HTR4: variants seen among roughly 807,000 people sequenced by gnomAD.
The protein encoded by HTR4 is 5-hydroxytryptamine receptor 4.
HTR4 carries 16 observed loss-of-function variants against 36.8 expected under a neutral mutation model. The ratio of observed to expected loss-of-function variants is 0.43; its 90% CI spans 0.29 to 0.66. The LOEUF is 0.66. HTR4 is among the 30% of genes least tolerant of loss of function. The pLI is 0.13. For missense variants in HTR4, 438 were observed against 490.9 expected (o/e 0.89, Z 1.02); for synonymous variants, 189 against 185.1 (o/e 1.02, Z -0.17).
intron 5 of HTR4, among the ~76,000 whole-genome samples, chr5:148,511,456 AC>A (rs1313621161): frequency 1.3e-5 from 2 of 152,182 alleles, no homozygotes; most frequent in Non-Finnish European, 2.9e-5. Flanking sequence ...TGTATCACTC[AC>A]ATTATTGCAT....
chr5:148,457,068 A>T (rs1221975086), intron 5 of HTR4, among the ~76,000 whole-genome samples: 1 of 152,174 alleles, frequency 6.6e-6, no homozygotes, highest in Non-Finnish European at 1.5e-5. Flanking sequence ...AACTAGTAGT[A>T]CAATAATAGC....
intron 2 of HTR4, among the ~76,000 whole-genome samples, chr5:148,560,536 T>C (rs1760160503): frequency 6.6e-6 from 1 of 152,186 alleles, no homozygotes; most frequent in Non-Finnish European, 1.5e-5. Flanking sequence ...TTGCAAATTA[T>C]TTTCTTCTGC....
intron 2 of HTR4, among the ~76,000 whole-genome samples, chr5:148,589,545 G>C (rs1255678210): frequency 6.6e-6 from 1 of 151,980 alleles, no homozygotes; most frequent in Non-Finnish European, 1.5e-5. Context: ...TGGTTGGGTT[G>C]TTTGGTGTTT....
In HTR4 at chr5:148,646,403, C is replaced by T. The variant is rs139687618; in HGVS notation, c.-48+7659G>A. ...CTTCTGAACCTCCTGGATTAGGAAACCATTTATACAGAATTCTCCATTTCA... is the reference window on the plus strand; with the variant it reads ...CTTCTGAACCTCCTGGATTAGGAAATCATTTATACAGAATTCTCCATTTCA... On this transcript the variant is annotated intron_variant, in intron 1 of 6. Transcript: ENST00000377888. 4.7e-4 allele frequency: 71 copies of T among 152,304 alleles called. 2 individuals are homozygous for T. In the East Asian group the frequency reaches 0.013, roughly 29 times the overall value. The allele number at this position is 152,304 out of a possible 1,614,324, so 9.4% of individuals were successfully genotyped here. A position where few individuals can be genotyped will look rare whatever the true frequency, so the allele number is the denominator to read the frequency against.
chr5:148,590,008 A>T (rs1684596205), intron 2 of HTR4, among the ~76,000 whole-genome samples: 1 of 151,640 alleles, frequency 6.6e-6, no homozygotes, highest in African/African-American at 2.4e-5. Flanking sequence ...TTTCCCCAGC[A>T]CTCCCTAATC....
chr5:148,503,266 G>A (rs960486829), intron 6 of HTR4, among the ~76,000 whole-genome samples: 2 of 152,294 alleles, frequency 1.3e-5, no homozygotes, highest in African/African-American at 4.8e-5. Flanking sequence ...CCCACAAAGG[G>A]AAGCCCATCA....
chr5:148,642,091 G>A (rs1342970880), intron 1 of HTR4, among the ~76,000 whole-genome samples: 1 of 152,184 alleles, frequency 6.6e-6, no homozygotes, highest in Non-Finnish European at 1.5e-5. Context: ...GATTGACCGT[G>A]TTTCTTTATA....
At chr5:148,490,732 C>A in intron 6 of HTR4, 11 of 1,268,464 alleles carry the variant, frequency 8.7e-6, no homozygotes, top group Non-Finnish European at 1.1e-5. Context: ...CCTAGTAAGG[C>A]AATCCATTCC....
intron 5 of HTR4, 43 bp from the exon 6 acceptor site, chr5:148,510,067 A>G: frequency 1.5e-6 from 2 of 1,346,632 alleles, no homozygotes; most frequent in Non-Finnish European, 2.0e-6. Flanking sequence ...AGGAGGTAAA[A>G]AGGAAAGAAA....
chr5:148,457,994 A>G (rs1366089101), intron 5 of HTR4, among the ~76,000 whole-genome samples: 2 of 138,552 alleles, frequency 1.4e-5, no homozygotes, highest in East Asian at 4.1e-4. Flanking sequence ...TATATTTAAT[A>G]TATCTTAAGA....
At chr5:148,641,437 A>G (rs536978292) in intron 1 of HTR4, among the ~76,000 whole-genome samples, 1 of 152,300 alleles carries the variant, frequency 6.6e-6, no homozygotes, top group South Asian at 2.1e-4. Context: ...GATCATCGGA[A>G]AAAGATCATG....
intron 2 of HTR4, among the ~76,000 whole-genome samples, chr5:148,623,070 T>C (rs1752972519): frequency 6.6e-6 from 1 of 151,516 alleles, no homozygotes; most frequent in Non-Finnish European, 1.5e-5. Context: ...TTGGGCAGAG[T>C]GCAAATGCAA....
chr5:148,647,785 G>A (rs1487816691), intron 1 of HTR4, among the ~76,000 whole-genome samples: 1 of 152,192 alleles, frequency 6.6e-6, no homozygotes, highest in Non-Finnish European at 1.5e-5. Context: ...GGAGGCGAAG[G>A]TTTCAGTGAG....
chr5:148,483,578 C>T (rs1755995252), intron 6 of HTR4, among the ~76,000 whole-genome samples: 1 of 152,282 alleles, frequency 6.6e-6, no homozygotes, highest in South Asian at 2.1e-4. Flanking sequence ...TGCCCTCTAC[C>T]GATTATATCC....
intron 2 of HTR4, among the ~76,000 whole-genome samples, chr5:148,594,351 C>CATGT (rs1761687990): frequency 1.3e-5 from 2 of 148,568 alleles, no homozygotes; most frequent in African/African-American, 5.0e-5. Flanking sequence ...TTCTGGGTTT[C>CATGT]GTGTGTGTGT....
chr5:148,570,142 C>A lies in HTR4; in HGVS notation c.27-19880G>T, dbSNP rs1462583698. Among the ~76,000 whole-genome samples, 3 of 152,228 alleles carry A rather than the reference C, an allele frequency of 2.0e-5. No individual in the cohort carries two copies. The East Asian group carries it at 5.8e-4, about 30-fold the overall frequency. Reference sequence around the variant, plus strand: ...GCTCCAAGCAGAAAACAAACAAACTCTCTGACTCAAAAAGAGGCTTGGCCA... The same window carrying A: ...GCTCCAAGCAGAAAACAAACAAACTATCTGACTCAAAAAGAGGCTTGGCCA... On this transcript the variant is annotated intron_variant, in intron 2 of 6. Transcript: ENST00000377888.
At chr5:148,583,626 T>TCAA (rs1761232701) in intron 2 of HTR4, among the ~76,000 whole-genome samples, 1 of 151,444 alleles carries the variant, frequency 6.6e-6, no homozygotes, top group Non-Finnish European at 1.5e-5. Flanking sequence ...ATCATCATCA[T>TCAA]CATCATCATC....
chr5:148,562,178 C>G (rs760386893), intron 2 of HTR4, among the ~76,000 whole-genome samples: 2 of 152,212 alleles, frequency 1.3e-5, no homozygotes, highest in Non-Finnish European at 2.9e-5. Context: ...TATGTAGTTC[C>G]TCTAGCTGAG....
At chr5:148,618,299 A>T (rs1941189337) in intron 2 of HTR4, among the ~76,000 whole-genome samples, 1 of 152,210 alleles carries the variant, frequency 6.6e-6, no homozygotes, top group Admixed American at 6.5e-5. Flanking sequence ...TCAGGGTTCT[A>T]TCCGCAAGGA....
Sources: gnomAD v4.1 joint callset for allele counts (sites outside exome capture counted in the v4.1 genomes callset) on GRCh38, gnomAD v4.1.1 for gene constraint, MANE v1.5 for transcripts, NCBI Gene and HGNC (gene_info 2026-07-23, HGNC 2026-07-21) for gene names.